Variants in SH3GL2 observed in about 807,000 individuals in gnomAD.
SH3GL2 encodes the protein SH3 domain containing GRB2 like 2, endophilin A1.
A neutral mutation model predicts 46.0 loss-of-function variants in SH3GL2; 24 were observed. That is an observed-to-expected ratio of 0.52 (90% CI 0.38 to 0.73). SH3GL2 has a LOEUF of 0.73. Ranked by LOEUF, SH3GL2 falls within the 30% of genes least tolerant of loss-of-function variation. SH3GL2 has a pLI of 0.00. For missense variants in SH3GL2, 413 were observed against 424.2 expected (o/e 0.97, Z 0.23); for synonymous variants, 196 against 147.1 (o/e 1.33, Z -2.40).
intron 1 of SH3GL2, among the ~76,000 whole-genome samples, chr9:17,728,077 A>C (rs1302594690): frequency 6.6e-6 from 1 of 152,154 alleles, no homozygotes; most frequent in African/African-American, 2.4e-5. Context: ...TCTGCAATAA[A>C]TATGGCAAAA....
intron 1 of SH3GL2, among the ~76,000 whole-genome samples, chr9:17,718,577 A>G (rs1821817122): frequency 6.6e-6 from 1 of 152,046 alleles, no homozygotes; most frequent in Non-Finnish European, 1.5e-5. Flanking sequence ...ACCCCACAAA[A>G]ATTAGCTGGG....
chr9:17,591,561 A>T (rs897598913), intron 1 of SH3GL2, among the ~76,000 whole-genome samples: 2 of 152,232 alleles, frequency 1.3e-5, no homozygotes, highest in Non-Finnish European at 2.9e-5. Flanking sequence ...GTACATTTGT[A>T]TCAGTTATTC....
intron 8 of SH3GL2, among the ~76,000 whole-genome samples, chr9:17,794,137 A>T (rs1824213664): frequency 6.6e-6 from 1 of 152,210 alleles, no homozygotes; most frequent in African/African-American, 2.4e-5. Context: ...AGGAATATCG[A>T]TGCATACCAA....
chr9:17,674,078 C>T (rs7020158), intron 1 of SH3GL2, among the ~76,000 whole-genome samples: 81,329 of 151,620 alleles, frequency 0.54, 22,962 homozygotes, highest in African/African-American at 0.71. Context: ...CTTATGGAGG[C>T]ATGCAGAATT....
chr9:17,682,191 C>T (rs1028715063), intron 1 of SH3GL2, among the ~76,000 whole-genome samples: 1 of 152,052 alleles, frequency 6.6e-6, no homozygotes, highest in African/African-American at 2.4e-5. Context: ...ACCGTTTGAC[C>T]CAGCAATCCC....
chr9:17,580,223 C>G (rs894421644), intron 1 of SH3GL2, among the ~76,000 whole-genome samples: 6 of 152,140 alleles, frequency 3.9e-5, no homozygotes, highest in Non-Finnish European at 7.3e-5. Context: ...TTTATGGGAT[C>G]TTTAAGGATT....
At chr9:17,760,457 T>G (rs542453076) in intron 2 of SH3GL2, among the ~76,000 whole-genome samples, 5 of 152,056 alleles carry the variant, frequency 3.3e-5, no homozygotes, top group Admixed American at 1.3e-4. Flanking sequence ...TATTGGTATA[T>G]ACTGATATTA....
chr9:17,734,286 A>G (rs10963230), intron 1 of SH3GL2, among the ~76,000 whole-genome samples: 40,598 of 152,014 alleles, frequency 0.27, 6,358 homozygotes, highest in East Asian at 0.5. Flanking sequence ...TTGGAAGTTT[A>G]CAGTCACCAC....
At chr9:17,717,000 A>C (rs73645151) in intron 1 of SH3GL2, among the ~76,000 whole-genome samples, 14,684 of 151,924 alleles carry the variant, frequency 0.097, 2,333 homozygotes, top group African/African-American at 0.33. Flanking sequence ...AGTCCCTCTC[A>C]CTCCATTTTG....
chr9:17,669,249 A>G (rs945171321), intron 1 of SH3GL2, among the ~76,000 whole-genome samples: 1 of 152,172 alleles, frequency 6.6e-6, no homozygotes, highest in East Asian at 1.9e-4. Flanking sequence ...GACATTGATA[A>G]CAGTCTACAG....
intron 1 of SH3GL2, among the ~76,000 whole-genome samples, chr9:17,597,653 GCTT>G (rs1304780381): frequency 1.3e-5 from 2 of 152,194 alleles, no homozygotes; most frequent in Non-Finnish European, 2.9e-5. Context: ...TTTGCAAGAT[GCTT>G]CTTTCATAAT....
At chr9:17,756,286 C>T (rs2131143728) in intron 2 of SH3GL2, among the ~76,000 whole-genome samples, 1 of 152,054 alleles carries the variant, frequency 6.6e-6, no homozygotes. Context: ...ATGCCTGTAT[C>T]TGTATATATT....
chr9:17,630,704 A>G (rs779039771), intron 1 of SH3GL2, among the ~76,000 whole-genome samples: 2 of 152,198 alleles, frequency 1.3e-5, no homozygotes, highest in African/African-American at 4.8e-5. Flanking sequence ...AATTACTGCT[A>G]CCTAACAGTT....
At chr9:17,698,884 C>T (rs956990046) in intron 1 of SH3GL2, among the ~76,000 whole-genome samples, 2 of 152,094 alleles carry the variant, frequency 1.3e-5, no homozygotes, top group South Asian at 2.1e-4. Flanking sequence ...AGGCCAGGCG[C>T]GATGGCTCAT....
intron 7 of SH3GL2, 128 bp downstream of exon 7, chr9:17,791,462 G>A (rs1332968041): frequency 1.4e-5 from 9 of 665,600 alleles, no homozygotes; most frequent in Middle Eastern, 2.8e-4. Flanking sequence ...CTACAGAGGC[G>A]CCTTGTGGAT....
At chr9:17,736,585 T>G (rs1027307525) in intron 1 of SH3GL2, among the ~76,000 whole-genome samples, 2 of 152,180 alleles carry the variant, frequency 1.3e-5, no homozygotes, top group African/African-American at 4.8e-5. Flanking sequence ...AACATTTATC[T>G]CAGGATAGAG....
chr9:17,603,659 G>A (rs1300094350), intron 1 of SH3GL2, among the ~76,000 whole-genome samples: 1 of 152,068 alleles, frequency 6.6e-6, no homozygotes, highest in East Asian at 1.9e-4. Context: ...TCAGGGGTTC[G>A]AGACCAGCCT....
intron 1 of SH3GL2, among the ~76,000 whole-genome samples, chr9:17,694,914 TG>T (rs1821166707): frequency 1.3e-5 from 2 of 152,080 alleles, no homozygotes; most frequent in Non-Finnish European, 2.9e-5. Context: ...GGGGAGGCAG[TG>T]GCACACTTAG....
intron 3 of SH3GL2, among the ~76,000 whole-genome samples, chr9:17,768,370 C>CAAA (rs34891273): frequency 1.0e-3 from 70 of 66,934 alleles, no homozygotes; most frequent in South Asian, 2.2e-3. Flanking sequence ...GACTCTGTCT[C>CAAA]AAAAAAAAAA....
Sources: allele counts gnomAD v4.1 joint callset (sites outside exome capture counted in the v4.1 genomes callset), GRCh38; gene constraint gnomAD v4.1.1; transcripts MANE v1.5; gene names NCBI Gene and HGNC (gene_info 2026-07-23, HGNC 2026-07-21).